The following AGBL1 variants were observed in gnomAD, a reference collection of about 807,000 sequenced individuals.
AGBL1 encodes AGBL carboxypeptidase 1, also known as cytosolic carboxypeptidase 4.
Under a neutral mutation model 118.9 loss-of-function variants are expected in AGBL1, and 130 were observed. The observed-to-expected ratio is 1.09, with a 90% confidence interval of 0.95 to 1.26. The LOEUF (loss-of-function observed/expected upper bound fraction) is 1.26, where lower values mean the gene tolerates loss of function less well. AGBL1 is among the 50% of genes most tolerant of loss of function. AGBL1 has a pLI of 0.00. For synonymous variants in AGBL1, 555 were observed against 478.9 expected (o/e 1.16, Z -2.08); for missense variants, 1,584 against 1,298.1 (o/e 1.22, Z -3.38).
At chr15:86,330,140 G>T (rs985602940) in intron 17 of AGBL1, among the ~76,000 whole-genome samples, 6 of 152,186 alleles carry the variant, frequency 3.9e-5, no homozygotes, top group Non-Finnish European at 7.3e-5. Context: ...GCCTCCCTGG[G>T]AGCTGAGCAG....
At chr15:86,552,181 A>G (rs1596257239) in intron 20 of AGBL1, among the ~76,000 whole-genome samples, 1 of 152,146 alleles carries the variant, frequency 6.6e-6, no homozygotes, top group Admixed American at 6.6e-5. Flanking sequence ...GTTACAACAA[A>G]CCTACCACTC....
At chr15:86,621,071 T>G (rs1033091144) in intron 21 of AGBL1, among the ~76,000 whole-genome samples, 8 of 152,176 alleles carry the variant, frequency 5.3e-5, no homozygotes, top group African/African-American at 1.9e-4. Context: ...AAGAGTTTCT[T>G]TTGTGTGAGG....
intron 18 of AGBL1, among the ~76,000 whole-genome samples, chr15:86,446,509 C>T (rs1199392384): frequency 6.6e-6 from 1 of 152,218 alleles, no homozygotes; most frequent in Non-Finnish European, 1.5e-5. Context: ...AGCACTTCAT[C>T]CTTCTAACAT....
intron 22 of AGBL1, among the ~76,000 whole-genome samples, chr15:86,776,790 G>GAC (rs1491322420): frequency 6.9e-6 from 1 of 145,646 alleles, no homozygotes. Flanking sequence ...GTGTGTGTGT[G>GAC]AGAGAGAGAG....
chr15:86,736,550 C>T lies in AGBL1; in HGVS notation c.3158+62114C>T, dbSNP rs1425350639. ...AGAACTTCTGTAGCTTGCCCAAGGC[C>T]ACCAAGGCTATAAGTGATGTCACTG... is the stretch of plus-strand genomic sequence containing the variant. On this transcript the variant is annotated intron_variant, in intron 22 of 22. Coordinates refer to ENST00000614907, the MANE Select transcript of AGBL1 (RefSeq NM_001386094.1). Among the ~76,000 whole-genome samples, 5 of 152,134 alleles carry T rather than the reference C, an allele frequency of 3.3e-5. No homozygotes were observed. In the South Asian group the frequency reaches 8.3e-4, roughly 25 times the overall value.
At chr15:86,701,449 T>C (rs531795708) in intron 22 of AGBL1, among the ~76,000 whole-genome samples, 2 of 152,184 alleles carry the variant, frequency 1.3e-5, no homozygotes, top group South Asian at 2.1e-4. Flanking sequence ...CCCAGCTGAA[T>C]TGTGCTGAGT....
At chr15:86,261,854 T>G (rs1454511149) in intron 9 of AGBL1, among the ~76,000 whole-genome samples, 2 of 152,118 alleles carry the variant, frequency 1.3e-5, no homozygotes, top group African/African-American at 4.8e-5. Context: ...TCACGGTGCC[T>G]TGGTAAATTT....
At chr15:86,465,672 C>G (rs543839277) in intron 18 of AGBL1, among the ~76,000 whole-genome samples, 1 of 152,184 alleles carries the variant, frequency 6.6e-6, no homozygotes, top group African/African-American at 2.4e-5. Context: ...ATGCCCTGGT[C>G]TCCTGCACAC....
At chr15:86,675,538 T>C (rs1031799511) in intron 22 of AGBL1, among the ~76,000 whole-genome samples, 4 of 152,150 alleles carry the variant, frequency 2.6e-5, no homozygotes, top group East Asian at 3.9e-4. Context: ...GCTCTTTCCA[T>C]AGAGCTGCCG....
At chr15:86,504,862 A>C (rs760831081) in intron 18 of AGBL1, among the ~76,000 whole-genome samples, 1 of 151,722 alleles carries the variant, frequency 6.6e-6, no homozygotes, top group Non-Finnish European at 1.5e-5. Flanking sequence ...TTTATCAGTG[A>C]TTTTTTAAAT....
chr15:86,754,847 T>A (rs4887505), intron 22 of AGBL1, among the ~76,000 whole-genome samples: 19,823 of 152,068 alleles, frequency 0.13, 1,323 homozygotes, highest in East Asian at 0.17. Flanking sequence ...GAAAACCCAA[T>A]CTGTCCTTTA....
At chr15:86,082,688 G>A (rs1456419968) in intron 1 of AGBL1, among the ~76,000 whole-genome samples, 1 of 152,202 alleles carries the variant, frequency 6.6e-6, no homozygotes, top group Non-Finnish European at 1.5e-5. Context: ...TGAGGAAGGG[G>A]TAAGTGGTTT....
intron 22 of AGBL1, among the ~76,000 whole-genome samples, chr15:86,713,366 G>A (rs2086590018): frequency 6.6e-6 from 1 of 152,048 alleles, no homozygotes; most frequent in Non-Finnish European, 1.5e-5. Context: ...TGCAAACAGG[G>A]CCTCCTTACT....
intron 5 of AGBL1, among the ~76,000 whole-genome samples, chr15:86,195,321 TA>T (rs1311952623): frequency 1.3e-5 from 2 of 152,160 alleles, no homozygotes; most frequent in African/African-American, 4.8e-5. Context: ...AATTTGCATA[TA>T]GTCATCCTGG....
chr15:86,664,183 G>C (rs78523318), intron 21 of AGBL1, among the ~76,000 whole-genome samples: 3,441 of 152,274 alleles, frequency 0.023, 52 homozygotes, highest in Middle Eastern at 0.041. Flanking sequence ...GACACACACA[G>C]AGGAGGCTTT....
chr15:86,383,686 A>G (rs2081144284), intron 17 of AGBL1, among the ~76,000 whole-genome samples: 3 of 152,290 alleles, frequency 2.0e-5, no homozygotes, highest in African/African-American at 7.2e-5. Context: ...CTGACGTGTA[A>G]GGGCATCCTG....
chr15:86,925,183 G>C (rs1196109425), intron 23 of AGBL1, among the ~76,000 whole-genome samples: 2,333 of 21,608 alleles, frequency 0.11, 97 homozygotes, highest in African/African-American at 0.19. Flanking sequence ...GGAAGAGGAA[G>C]AGGAAGAAAA....
chr15:86,778,519 T>A (rs1455061952), intron 22 of AGBL1, among the ~76,000 whole-genome samples: 1 of 152,166 alleles, frequency 6.6e-6, no homozygotes, highest in Non-Finnish European at 1.5e-5. Context: ...ACGCATTCTC[T>A]TTCTCAGGGA....
chr15:86,117,062 A>G (rs1450621706), intron 1 of AGBL1, among the ~76,000 whole-genome samples: 2 of 150,756 alleles, frequency 1.3e-5, no homozygotes, highest in African/African-American at 4.9e-5. Context: ...GATTGTATTC[A>G]TTAGAATTAG....
Sources: gnomAD v4.1 joint callset for allele counts (sites outside exome capture counted in the v4.1 genomes callset) on GRCh38, gnomAD v4.1.1 for gene constraint, MANE v1.5 for transcripts, NCBI Gene and HGNC (gene_info 2026-07-23, HGNC 2026-07-21) for gene names.